Variants in PCDH9 observed in about 807,000 individuals in gnomAD.
PCDH9 encodes protocadherin 9, also known as protocadherin-9.
A neutral mutation model predicts 70.6 loss-of-function variants in PCDH9; 24 were observed. The ratio of observed to expected loss-of-function variants is 0.34; its 90% CI spans 0.25 to 0.48. The LOEUF (loss-of-function observed/expected upper bound fraction) is 0.48. Among genes scored for constraint, PCDH9 ranks in the 20% least tolerant of loss-of-function variants. PCDH9 has a pLI of 0.99. For missense variants in PCDH9, 1,281 were observed against 1,503.6 expected (o/e 0.85, Z 2.45); for synonymous variants, 562 against 558.5 (o/e 1.01, Z -0.09).
intron 3 of PCDH9, among the ~76,000 whole-genome samples, chr13:66,829,004 G>A (rs1021725948): frequency 7.6e-6 from 1 of 131,252 alleles, no homozygotes; most frequent in Admixed American, 8.1e-5. Context: ...AAGATTCTGT[G>A]GGTCTTTTTT....
chr13:66,630,750 A>T (rs896852603), intron 4 of PCDH9: 1 of 152,192 alleles, frequency 6.6e-6, no homozygotes, highest in Non-Finnish European at 1.5e-5. Flanking sequence ...AATCTGATAG[A>T]CAAATTCTAA....
intron 4 of PCDH9, among the ~76,000 whole-genome samples, chr13:66,468,626 G>C (rs1958559294): frequency 6.6e-6 from 1 of 152,134 alleles, no homozygotes; most frequent in Non-Finnish European, 1.5e-5. Context: ...TGCCAGTCAT[G>C]TATATTTTTG....
In PCDH9 at chr13:66,665,013, G is replaced by C. The variant is rs188529325; in HGVS notation, c.3139-33602C>G. ...TTGAAGCCCCCAATGGAAAAACCCA[G>C]CTTAACAGTCAACACTGTTTTTCTA... On this transcript the variant is annotated intron_variant, in intron 3 of 4. Coordinates refer to ENST00000377865, the MANE Select transcript of PCDH9 (RefSeq NM_203487.3). Among the ~76,000 whole-genome samples the C allele has an allele frequency of 1.0e-3, 159 of 152,138 alleles. 3 individuals carry two copies. Among genetic ancestry groups the C allele is most frequent in the African/African-American group, 3.5e-3 (147 of 41,508 alleles).
chr13:66,812,269 A>G (rs1861304963), intron 3 of PCDH9, among the ~76,000 whole-genome samples: 1 of 152,206 alleles, frequency 6.6e-6, no homozygotes, highest in Non-Finnish European at 1.5e-5. Context: ...AAACATGGGA[A>G]TAAAAATCCC....
intron 4 of PCDH9, among the ~76,000 whole-genome samples, chr13:66,514,407 A>G (rs1301755339): frequency 6.6e-6 from 1 of 151,420 alleles, no homozygotes; most frequent in Non-Finnish European, 1.5e-5. Flanking sequence ...ATGTCCTTTT[A>G]TGTAGACAGA....
chr13:66,503,751 A>G (rs1959189325), intron 4 of PCDH9, among the ~76,000 whole-genome samples: 1 of 152,138 alleles, frequency 6.6e-6, no homozygotes, highest in Admixed American at 6.6e-5. Flanking sequence ...TTAAATCTGA[A>G]TACTTTTACA....
In PCDH9 at chr13:66,806,724, A is replaced by T. The variant is rs938596670; in HGVS notation, c.3138+96780T>A. The stretch of plus-strand genomic sequence containing the variant: ...CGGTATGTAAAATTGGGATAATAAT[A>T]TTTCCCCTACTGTGCTGTAGTTAAT... On this transcript the variant is annotated intron_variant, in intron 3 of 4. Coordinates refer to ENST00000377865, the MANE Select transcript of PCDH9 (RefSeq NM_203487.3). Among the ~76,000 whole-genome samples the T allele has an allele frequency of 1.2e-4, 19 of 152,256 alleles. No homozygotes were observed. In the East Asian group the frequency reaches 3.7e-3, roughly 29 times the overall value.
intron 4 of PCDH9, among the ~76,000 whole-genome samples, chr13:66,519,758 C>T (rs1353008182): frequency 6.6e-6 from 1 of 152,094 alleles, no homozygotes; most frequent in African/African-American, 2.4e-5. Context: ...ATTATATAAG[C>T]TTTGTAAAGT....
At chr13:66,499,140 C>T (rs757157615) in intron 4 of PCDH9, among the ~76,000 whole-genome samples, 20 of 151,792 alleles carry the variant, frequency 1.3e-4, no homozygotes, top group Non-Finnish European at 2.4e-4. Context: ...TCCTTATACC[C>T]TATGTATTTT....
chr13:66,825,294 A>G (rs1268022184), intron 3 of PCDH9: 1 of 147,072 alleles, frequency 6.8e-6, no homozygotes, highest in African/African-American at 2.5e-5. Context: ...ATCGTATTGT[A>G]TGAACTGTAA....
chr13:66,978,531 A>G (rs2083668808), intron 2 of PCDH9: 3 of 151,768 alleles, frequency 2.0e-5, no homozygotes. Flanking sequence ...ACATTCACAT[A>G]TGCTCCTATT....
At chr13:67,186,384 C>T (rs553999038) in intron 2 of PCDH9, among the ~76,000 whole-genome samples, 10 of 152,216 alleles carry the variant, frequency 6.6e-5, no homozygotes, top group African/African-American at 1.9e-4. Flanking sequence ...ATGTCTACAG[C>T]AAAATAATTC....
chr13:66,978,740 C>T (rs1023365425), intron 2 of PCDH9, among the ~76,000 whole-genome samples: 5 of 149,258 alleles, frequency 3.3e-5, no homozygotes, highest in Non-Finnish European at 7.4e-5. Flanking sequence ...CATAAATATA[C>T]ATATGTAACT....
At chr13:66,986,628 T>A (rs1476030571) in intron 2 of PCDH9, among the ~76,000 whole-genome samples, 1 of 152,000 alleles carries the variant, frequency 6.6e-6, no homozygotes, top group Non-Finnish European at 1.5e-5. Context: ...AGGAATATAA[T>A]TAGCTAAACA....
chr13:66,399,156 A>G (rs1347255423), intron 4 of PCDH9, among the ~76,000 whole-genome samples: 1 of 152,130 alleles, frequency 6.6e-6, no homozygotes, highest in Non-Finnish European at 1.5e-5. Context: ...TATCAATGAG[A>G]ATGTATATGA....
chr13:66,881,152 C>G (rs1374882623), intron 3 of PCDH9, among the ~76,000 whole-genome samples: 2 of 152,162 alleles, frequency 1.3e-5, no homozygotes, highest in Non-Finnish European at 2.9e-5. Flanking sequence ...GTTAACTGAA[C>G]TATTAGTGAA....
At chr13:67,064,185 C>G (rs1469315904) in intron 2 of PCDH9, among the ~76,000 whole-genome samples, 1 of 152,064 alleles carries the variant, frequency 6.6e-6, no homozygotes, top group African/African-American at 2.4e-5. Flanking sequence ...TGGAAAATTA[C>G]AGGAGATTGG....
intron 3 of PCDH9, among the ~76,000 whole-genome samples, chr13:66,769,818 G>A (rs1013809278): frequency 1.3e-5 from 2 of 152,118 alleles, no homozygotes; most frequent in Non-Finnish European, 2.9e-5. Context: ...TATTTTTACA[G>A]TTGTGGGATC....
chr13:66,382,088 G>A (rs778379596), intron 4 of PCDH9, among the ~76,000 whole-genome samples: 9 of 152,078 alleles, frequency 5.9e-5, no homozygotes, highest in Non-Finnish European at 1.3e-4. Flanking sequence ...ATATAAAGAT[G>A]AAAAAGGGTA....
Sources: gnomAD v4.1 joint callset for allele counts (sites outside exome capture counted in the v4.1 genomes callset) on GRCh38, gnomAD v4.1.1 for gene constraint, MANE v1.5 for transcripts, NCBI Gene and HGNC (gene_info 2026-07-23, HGNC 2026-07-21) for gene names.